MFN2: variants seen among roughly 807,000 people sequenced by gnomAD.
MFN2 encodes mitofusin 2, also known as mitofusin-2.
Under a neutral mutation model 87.5 loss-of-function variants are expected in MFN2, and 43 were observed. The observed-to-expected ratio is 0.49, with a 90% CI of 0.38 to 0.63. MFN2 has a LOEUF of 0.63. Among genes scored for constraint, MFN2 ranks in the 30% least tolerant of loss-of-function variants. The pLI, the probability that MFN2 is intolerant of heterozygous loss-of-function variation, is 0.00. For missense variants in MFN2, 743 were observed against 972.8 expected (o/e 0.76, Z 3.14); for synonymous variants, 337 against 359.9 (o/e 0.94, Z 0.72).
intron 2 of MFN2, among the ~76,000 whole-genome samples, chr1:11,983,264 G>T (rs1437361310): frequency 6.6e-6 from 1 of 152,104 alleles, no homozygotes; most frequent in Admixed American, 6.6e-5. Flanking sequence ...GTAGAGATGG[G>T]GTTTCACCGT....
chr1:11,985,010 C>T (rs1391490251), intron 2 of MFN2, among the ~76,000 whole-genome samples: 3 of 152,162 alleles, frequency 2.0e-5, no homozygotes, highest in African/African-American at 4.8e-5. Context: ...TGAAGCCAGT[C>T]GGTGAGAAAT....
intron 8 of MFN2, among the ~76,000 whole-genome samples, chr1:12,000,392 G>A (rs538453934): frequency 4.5e-4 from 68 of 152,190 alleles, no homozygotes; most frequent in African/African-American, 1.5e-3. Flanking sequence ...GTTTCACCAT[G>A]TTGGCCAGGC....
chr1:11,980,694 T>C (rs950247016), intron 1 of MFN2, among the ~76,000 whole-genome samples: 3 of 151,818 alleles, frequency 2.0e-5, no homozygotes, highest in African/African-American at 7.3e-5. Context: ...GTCGGTGGGG[T>C]CCCCTGTAGC....
At chr1:12,009,042 A>G (rs1569880193) in intron 17 of MFN2, among the ~76,000 whole-genome samples, 1 of 152,210 alleles carries the variant, frequency 6.6e-6, no homozygotes, top group Non-Finnish European at 1.5e-5. Context: ...CACCAAAAAA[A>G]TACGAAAACC....
intron 17 of MFN2, among the ~76,000 whole-genome samples, chr1:12,008,360 G>A (rs1428005283): frequency 6.6e-6 from 1 of 151,206 alleles, no homozygotes; most frequent in Non-Finnish European, 1.5e-5. Flanking sequence ...CGGATGGGGC[G>A]GCGGCCGGGC....
intron 5 of MFN2, 33 bp downstream of exon 5, chr1:11,996,351 C>T (rs1169047888): frequency 6.2e-7 from 1 of 1,613,182 alleles, no homozygotes. Flanking sequence ...CAGCCCTGTG[C>T]CTGCTGGGGG....
At chr1:11,999,451 T>A (rs763724621) in intron 8 of MFN2, among the ~76,000 whole-genome samples, 8 of 152,186 alleles carry the variant, frequency 5.3e-5, no homozygotes, top group Non-Finnish European at 1.0e-4. Context: ...GGAGAATAAC[T>A]GGTTCTTACT....
In MFN2 at chr1:12,011,603, T is replaced by C. The variant is rs1191422943; in HGVS notation, c.*38T>C. On this transcript the variant is annotated 3_prime_UTR_variant, in exon 19 of 19. Coordinates refer to ENST00000235329, the MANE Select transcript of MFN2 (RefSeq NM_014874.4). ...GCGGAGTCTGCGTGGAGAGGGGCGG[T>C]GCTGCCAGCCCTAAGTGCCATGTGG... The C allele has an allele frequency of 1.9e-6, 3 of 1,609,232 alleles. No individual in the cohort carries two copies. Among genetic ancestry groups the C allele is most frequent in the Non-Finnish European group, 2.5e-6 (3 of 1,177,064 alleles).
At chr1:12,001,584 C>T in intron 9 of MFN2, 30 bp downstream of exon 9, 1 of 1,614,020 alleles carries the variant, frequency 6.2e-7, no homozygotes, top group Non-Finnish European at 8.5e-7. Flanking sequence ...TCCTCCTTTT[C>T]TCTGATGTTT....
chr1:11,986,652 G>A (rs370283964), intron 2 of MFN2, among the ~76,000 whole-genome samples: 61 of 150,028 alleles, frequency 4.1e-4, no homozygotes, highest in Middle Eastern at 3.4e-3. Context: ...GTGCAATGGC[G>A]CGATCTTAGC....
At chr1:11,984,999 C>T (rs1047577038) in intron 2 of MFN2, among the ~76,000 whole-genome samples, 11 of 152,360 alleles carry the variant, frequency 7.2e-5, no homozygotes, top group Non-Finnish European at 2.9e-5. Flanking sequence ...GAACCCCAGC[C>T]TGAAGCCAGT....
intron 2 of MFN2, among the ~76,000 whole-genome samples, 188 bp downstream of exon 2, chr1:11,982,302 A>G (rs1646001088): frequency 6.6e-6 from 1 of 152,070 alleles, no homozygotes; most frequent in Non-Finnish European, 1.5e-5. Context: ...TTGCTTAGAG[A>G]GCCTGTTTAA....
chr1:11,996,006 A>G, intron 4 of MFN2, 150 bp from the exon 5 acceptor site: 1 of 934,732 alleles, frequency 1.1e-6, no homozygotes. Flanking sequence ...ATTTTAATAA[A>G]CAGTGCCTAC....
chr1:11,982,951 G>A (rs1357955274), intron 2 of MFN2, among the ~76,000 whole-genome samples: 1 of 152,212 alleles, frequency 6.6e-6, no homozygotes, highest in Non-Finnish European at 1.5e-5. Context: ...ATTCAACACA[G>A]TTAAACTAGT....
chr1:11,989,372 G>A (rs374801409), intron 3 of MFN2, 29 bp downstream of exon 3: 24 of 1,610,690 alleles, frequency 1.5e-5, no homozygotes, highest in Middle Eastern at 1.7e-4. Context: ...AGCCAGGCCC[G>A]CTCTTACCTG....
At chr1:12,006,359 C>T (rs1375682775) in intron 15 of MFN2, among the ~76,000 whole-genome samples, 179 bp from the exon 16 acceptor site, 1 of 152,226 alleles carries the variant, frequency 6.6e-6, no homozygotes, top group Non-Finnish European at 1.5e-5. Flanking sequence ...TTGCACGTCC[C>T]GTGGTGCTCA....
At chr1:11,987,317 A>G (rs1638460285) in intron 2 of MFN2, among the ~76,000 whole-genome samples, 1 of 151,710 alleles carries the variant, frequency 6.6e-6, no homozygotes, top group Admixed American at 6.6e-5. Context: ...GTCTCAAAAA[A>G]AAAAAAAAAA....
chr1:12,004,818 G>A lies in MFN2; in HGVS notation c.1393-7G>A, dbSNP rs906719272. The A allele has an allele frequency of 6.2e-7, 1 of 1,613,422 alleles. No individual in the cohort carries two copies. The highest frequency in any genetic ancestry group is 8.5e-7 in the Non-Finnish European group (1 of 1,179,544). ...TGCTTCTCTTAACTTCCCTCTTCTG[G>A]TGGCAGGAGCTGCACCGCCACATAG... On this transcript the variant is annotated splice_region_variant and splice_polypyrimidine_tract_variant and intron_variant, in intron 13 of 18. Transcript: ENST00000235329. The surrounding 1 kb of genome is among the most constrained non-coding windows in gnomAD (Gnocchi z 4.2).
Position 12,004,501 on chromosome 1 carries a change from T to C in MFN2, c.1288-8T>C. On this transcript the variant is annotated splice_polypyrimidine_tract_variant and splice_region_variant and intron_variant, in intron 12 of 18. Coordinates refer to ENST00000235329, the MANE Select transcript of MFN2 (RefSeq NM_014874.4). The surrounding 1 kb of genome is among the most constrained non-coding windows in gnomAD (Gnocchi z 4.2). ...TGATACTTAACAGTGTGCTTCCTTT[T>C]GCTGTAGGTGTCGACTGCAATGGCC... The C allele has an allele frequency of 6.2e-7, 1 of 1,613,532 alleles. No individual in the cohort carries two copies. The highest frequency in any genetic ancestry group is 8.5e-7 in the Non-Finnish European group (1 of 1,179,428).
Sources: gnomAD v4.1 joint callset for allele counts (sites outside exome capture counted in the v4.1 genomes callset) on GRCh38, gnomAD v4.1.1 for gene constraint, Gnocchi (gnomAD v3.1) non-coding constraint, MANE v1.5 for transcripts, NCBI Gene and HGNC (gene_info 2026-07-23, HGNC 2026-07-21) for gene names.